Variants in OR4D9 observed in about 807,000 individuals in gnomAD.
OR4D9 encodes olfactory receptor 4D9.
OR4D9 carries 2 observed loss-of-function variants against 0.8 expected under a neutral mutation model. The ratio of observed to expected loss-of-function variants is 2.58; its 90% CI spans 1.06 to 8.13. The LOEUF is 8.13. OR4D9 is among the 30% of genes most tolerant of loss of function. OR4D9 has a pLI of 0.04. For missense variants in OR4D9, 399 were observed against 384.7 expected (o/e 1.04, Z -0.31); for synonymous variants, 146 against 151.2 (o/e 0.97, Z 0.25).
At position 59,515,788 on chromosome 11, in the gene OR4D9, G is replaced by C. The variant is rs1367706916; in HGVS notation, c.876G>C (p.Gln292His). The C allele has an allele frequency of 6.2e-7, 1 of 1,614,094 alleles. No homozygotes were observed. The highest frequency in any genetic ancestry group is 1.1e-5 in the South Asian group (1 of 91,074). The change falls in exon 3 of 3, where the codon CAG becomes CAC. Residue 292 changes from glutamine to histidine, a missense_variant. Transcript: ENST00000641962. ...CTATAATTTACACGCTGAGGAATCA[G>C]GAAATGAAGTTGGCCATGAGGAAAC... ...LNPIIYTLRN[Q>H]EMKLAMRKLK... is the part of the protein sequence containing the mutation.
At chr11:59,512,670 CAAA>C (rs56844390) in intron 1 of OR4D9, among the ~76,000 whole-genome samples, 2 of 137,454 alleles carry the variant, frequency 1.5e-5, no homozygotes, top group Non-Finnish European at 1.6e-5. Flanking sequence ...TGTAAAAATA[CAAA>C]AAAAAAAAAA....
At position 59,515,987 on chromosome 11, in the gene OR4D9, A is replaced by G; in HGVS notation, c.*130A>G. 1.4e-6 allele frequency: 1 copy of G among 690,032 alleles called. No homozygotes were observed. The highest frequency in any genetic ancestry group is 2.4e-6 in the Non-Finnish European group (1 of 420,762). 42.7% of individuals were successfully genotyped at this position (690,032 alleles called of 1,614,324 possible). On this transcript the variant is annotated 3_prime_UTR_variant, in exon 3 of 3. Transcript: ENST00000641962. ...ATCGAGTCCTAAAAGAAGTTATTCCATCATATATGTTGGGGACCACGTGGA... is the reference window on the plus strand; with the variant it reads ...ATCGAGTCCTAAAAGAAGTTATTCCGTCATATATGTTGGGGACCACGTGGA...
Position 59,515,941 on chromosome 11 carries a change from A to G in OR4D9, c.*84A>G. 2 of 998,482 alleles carry G rather than the reference A, an allele frequency of 2.0e-6. No individual in the cohort carries two copies. Among genetic ancestry groups the G allele is most frequent in the South Asian group, 3.4e-5 (2 of 58,218 alleles). 61.9% of individuals were successfully genotyped at this position (998,482 alleles called of 1,614,324 possible). A position where few individuals can be genotyped will look rare whatever the true frequency, so the allele number is the denominator to read the frequency against. ...AAAGGAGCTTGTTCATGCCCAAAAC[A>G]AAGAGATACCTATGGCCACCATCGA... On this transcript the variant is annotated 3_prime_UTR_variant, in exon 3 of 3. Transcript: ENST00000641962.
At position 59,515,797 on chromosome 11, in the gene OR4D9, G is replaced by A; in HGVS notation, c.885G>A (p.Lys295=). 1 of 1,614,176 alleles carries A rather than the reference G, an allele frequency of 6.2e-7. No individual in the cohort carries two copies. Among genetic ancestry groups the A allele is most frequent in the Non-Finnish European group, 8.5e-7 (1 of 1,180,024 alleles). ...ACACGCTGAGGAATCAGGAAATGAA[G>A]TTGGCCATGAGGAAACTGAAGAGAC... ...IIYTLRNQEM[K]LAMRKLKRRL... Residue 295 remains lysine (K), a synonymous_variant, in exon 3 of 3, where the codon AAG becomes AAA. Coordinates refer to ENST00000641962, the MANE Select transcript of OR4D9 (RefSeq NM_001004711.2).
intron 1 of OR4D9, among the ~76,000 whole-genome samples, chr11:59,513,715 C>A (rs1565093202): frequency 6.6e-6 from 1 of 151,878 alleles, no homozygotes; most frequent in Non-Finnish European, 1.5e-5. Context: ...GGAAGATCAC[C>A]CGAGGCCAGG....
rs748576244 is a variant in OR4D9 at position 59,515,430 on chromosome 11, T to C, written c.518T>C (p.Val173Ala). The stretch of plus-strand genomic sequence containing the variant: ...CCACTCCCTTTCTGTGGACCCAATG[T>C]TCTTGACACTTTCTACTGCGATGTC... Reference protein sequence around the residue: ...LLPLPFCGPNVLDTFYCDVPQ... With the variant: ...LLPLPFCGPNALDTFYCDVPQ... Residue 173 changes from valine (V) to alanine (A), a missense_variant, in exon 3 of 3, where the codon GTT (valine) becomes GCT (alanine). Val to Ala is a moderately conservative substitution (Grantham distance 64). Coordinates refer to ENST00000641962, the MANE Select transcript of OR4D9 (RefSeq NM_001004711.2). The C allele has an allele frequency of 3.1e-6, 5 of 1,614,146 alleles. No individual in the cohort carries two copies. In the South Asian group the frequency reaches 5.5e-5, roughly 18 times the overall value.
chr11:59,515,717 A>C lies in OR4D9; in HGVS notation c.805A>C (p.Thr269Pro). ...GCCCTTCACTGCCCTCCCCACAGACACTGCCATCTCTGTCACCTTCACTGT... is the reference window on the plus strand; with the variant it reads ...GCCCTTCACTGCCCTCCCCACAGACCCTGCCATCTCTGTCACCTTCACTGT... ...ARPFTALPTDTAISVTFTVIS... is the reference protein window; with the variant it reads ...ARPFTALPTDPAISVTFTVIS... The change falls in exon 3 of 3, where the codon ACT becomes CCT. Residue 269 changes from threonine to proline, a missense_variant. Thr to Pro is a conservative substitution (Grantham distance 38, BLOSUM62 -1). Coordinates refer to ENST00000641962, the MANE Select transcript of OR4D9 (RefSeq NM_001004711.2). The C allele has an allele frequency of 6.2e-7, 1 of 1,613,978 alleles. No homozygotes were observed. Among genetic ancestry groups the C allele is most frequent in the Middle Eastern group, 1.7e-4 (1 of 6,060 alleles).
Position 59,517,865 on chromosome 11 carries a change from T to C in OR4D9, c.*2008T>C, listed in dbSNP as rs1859425195. ...AAAGGAGAAGAATCACTGTTGAGGC[T>C]GTGGACAGCTCCTTTGATTTTGAGA... On this transcript the variant is annotated 3_prime_UTR_variant, in exon 3 of 3. Coordinates refer to ENST00000641962, the MANE Select transcript of OR4D9 (RefSeq NM_001004711.2). The C allele has an allele frequency of 6.7e-6, 1 of 150,338 alleles. No individual in the cohort carries two copies. Among genetic ancestry groups the C allele is most frequent in the Non-Finnish European group, 1.5e-5 (1 of 67,728 alleles). The allele number at this position is 150,338 out of a possible 1,614,324, so 9.3% of individuals were successfully genotyped here.
rs1264850362 is a variant in OR4D9, at chr11:59,517,515, T to A, written c.*1658T>A. On this transcript the variant is annotated 3_prime_UTR_variant, in exon 3 of 3. Transcript: ENST00000641962. ...TCCTCCTAGGAGAAGGAAATAATGC[T>A]GTTAGTGAGAGTGTTCATAAAGAAG... 1 of 152,182 alleles carries A rather than the reference T, an allele frequency of 6.6e-6. No homozygotes were observed. The highest frequency in any genetic ancestry group is 2.4e-5 in the African/African-American group (1 of 41,438). The allele number at this position is 152,182 out of a possible 1,614,324, so 9.4% of individuals were successfully genotyped here.
Position 59,518,693 on chromosome 11 carries a change from A to T in OR4D9, c.*2836A>T, listed in dbSNP as rs1210975057. On this transcript the variant is annotated 3_prime_UTR_variant, in exon 3 of 3. Coordinates refer to ENST00000641962, the MANE Select transcript of OR4D9 (RefSeq NM_001004711.2). ...TGAGACACCTCACCTGAACATGCTC[A>T]TGCTGTCTTATGCTCCACAGTCTCT... 6.6e-6 allele frequency: 1 copy of T among 152,206 alleles called. No homozygotes were observed. Among genetic ancestry groups the T allele is most frequent in the Non-Finnish European group, 1.5e-5 (1 of 68,032 alleles). The allele number at this position is 152,206 out of a possible 1,614,324, so 9.4% of individuals were successfully genotyped here.
In OR4D9 at chr11:59,516,201, G is replaced by T; in HGVS notation, c.*344G>T. 5.4e-6 allele frequency: 1 copy of T among 184,930 alleles called. No individual in the cohort carries two copies. Among genetic ancestry groups the T allele is most frequent in the Non-Finnish European group, 1.1e-5 (1 of 88,120 alleles). The allele number at this position is 184,930 out of a possible 1,614,324, so 11.5% of individuals were successfully genotyped here. A position where few individuals can be genotyped will look rare whatever the true frequency, so the allele number is the denominator to read the frequency against. On this transcript the variant is annotated 3_prime_UTR_variant, in exon 3 of 3. Transcript: ENST00000641962. ...AATACTTATTAAAAAATATAAACAG[G>T]CCAGGCGTGGTGGCTCACACCTGTA...
chr11:59,516,146 T>C lies in OR4D9; in HGVS notation c.*289T>C, dbSNP rs763312469. 1.1e-5 allele frequency: 3 copies of C among 278,100 alleles called. No individual in the cohort carries two copies. Among genetic ancestry groups the C allele is most frequent in the Non-Finnish European group, 2.0e-5 (3 of 148,712 alleles). The allele number at this position is 278,100 out of a possible 1,614,324, so 17.2% of individuals were successfully genotyped here. A position where few individuals can be genotyped will look rare whatever the true frequency, so the allele number is the denominator to read the frequency against. The stretch of plus-strand genomic sequence containing the variant: ...TTCAGATTGCTGCAAAAAGATTAAA[T>C]GTAGTCACCTTCCTGGAGGCATAAC... On this transcript the variant is annotated 3_prime_UTR_variant, in exon 3 of 3. Transcript: ENST00000641962.
At position 59,516,068 on chromosome 11, in the gene OR4D9, T is replaced by C; in HGVS notation, c.*211T>C. The C allele has an allele frequency of 1.9e-6, 1 of 525,952 alleles. No homozygotes were observed. The highest frequency in any genetic ancestry group is 3.3e-6 in the Non-Finnish European group (1 of 299,106). 32.6% of individuals were successfully genotyped at this position (525,952 alleles called of 1,614,324 possible). A position where few individuals can be genotyped will look rare whatever the true frequency, so the allele number is the denominator to read the frequency against. ...GTCTTTCCCTACTCACTTTCAATTATTCATTCCACAAATTTTTATAGAGCA... is the reference window on the plus strand; with the variant it reads ...GTCTTTCCCTACTCACTTTCAATTACTCATTCCACAAATTTTTATAGAGCA... On this transcript the variant is annotated 3_prime_UTR_variant, in exon 3 of 3. Coordinates refer to ENST00000641962, the MANE Select transcript of OR4D9 (RefSeq NM_001004711.2).
rs1241242845 is a variant in OR4D9 at position 59,520,465 on chromosome 11, TG to T, written c.*4614del. 1.7e-5 allele frequency: 1 copy of T among 59,224 alleles called. No individual in the cohort carries two copies. Among genetic ancestry groups the T allele is most frequent in the Non-Finnish European group, 3.0e-5 (1 of 33,038 alleles). 3.7% of individuals were successfully genotyped at this position (59,224 alleles called of 1,614,324 possible). A position where few individuals can be genotyped will look rare whatever the true frequency, so the allele number is the denominator to read the frequency against. On this transcript the variant is annotated 3_prime_UTR_variant, in exon 3 of 3. Transcript: ENST00000641962. ...TCACACTCTAGGGACTGTTGTGGGG[TG>T]GGGGGAGGGGGGAGGGATAGCATTA...
chr11:59,513,081 AT>A (rs758874668), intron 1 of OR4D9, among the ~76,000 whole-genome samples: 46 of 147,718 alleles, frequency 3.1e-4, no homozygotes, highest in South Asian at 6.5e-4. Context: ...AGCTCAATGA[AT>A]TTTTTTTTTT....
rs918407695 is a variant in OR4D9 at position 59,517,955 on chromosome 11, C to G, written c.*2098C>G. On this transcript the variant is annotated 3_prime_UTR_variant, in exon 3 of 3. Coordinates refer to ENST00000641962, the MANE Select transcript of OR4D9 (RefSeq NM_001004711.2). ...AAGCAACTGACTCCCCCTTATATAG[C>G]AGGATTAGCCAGATCCAAATTTCCT... 1.3e-5 allele frequency: 2 copies of G among 152,190 alleles called. No homozygotes were observed. Among genetic ancestry groups the G allele is most frequent in the Non-Finnish European group, 2.9e-5 (2 of 68,030 alleles). The allele number at this position is 152,190 out of a possible 1,614,324, so 9.4% of individuals were successfully genotyped here.
chr11:59,513,944 C>T (rs1474653594), intron 1 of OR4D9, among the ~76,000 whole-genome samples: 3 of 152,042 alleles, frequency 2.0e-5, no homozygotes, highest in Non-Finnish European at 4.4e-5. Context: ...GCACTCCAGC[C>T]TGGGCGACAG....
At position 59,518,666 on chromosome 11, in the gene OR4D9, C is replaced by G. The variant is rs1362874479; in HGVS notation, c.*2809C>G. ...CCTCCCAAAATGCTAGAATTACAGG[C>G]ATGAGACACCTCACCTGAACATGCT... On this transcript the variant is annotated 3_prime_UTR_variant, in exon 3 of 3. Coordinates refer to ENST00000641962, the MANE Select transcript of OR4D9 (RefSeq NM_001004711.2). 6.6e-6 allele frequency: 1 copy of G among 152,256 alleles called. No homozygotes were observed. Among genetic ancestry groups the G allele is most frequent in the Non-Finnish European group, 1.5e-5 (1 of 68,070 alleles). 9.4% of individuals were successfully genotyped at this position (152,256 alleles called of 1,614,324 possible).
At position 59,515,501 on chromosome 11, in the gene OR4D9, C is replaced by T; in HGVS notation, c.589C>T (p.Leu197Phe). ...CTGCACTGACACCTTCACTCTGGAG[C>T]TCCTGATGATTTCAAATAATGGGTT... ...LACTDTFTLELLMISNNGLVS... is the reference protein window; with the variant it reads ...LACTDTFTLEFLMISNNGLVS... The change falls in exon 3 of 3, where the codon CTC becomes TTC. Residue 197 changes from leucine to phenylalanine, a missense_variant. Physicochemically the swap from Leu to Phe is conservative, Grantham distance 22 (BLOSUM62 0). Coordinates refer to ENST00000641962, the MANE Select transcript of OR4D9 (RefSeq NM_001004711.2). 6.2e-7 allele frequency: 1 copy of T among 1,614,156 alleles called. No individual in the cohort carries two copies. The highest frequency in any genetic ancestry group is 8.5e-7 in the Non-Finnish European group (1 of 1,180,012).
Sources: gnomAD v4.1 joint callset for allele counts (sites outside exome capture counted in the v4.1 genomes callset) on GRCh38, gnomAD v4.1.1 for gene constraint, MANE v1.5 for transcripts, NCBI Gene and HGNC (gene_info 2026-07-23, HGNC 2026-07-21) for gene names.